The following CDH20 variants were observed in gnomAD, a reference collection of about 807,000 sequenced individuals.
The protein encoded by CDH20 is cadherin-20.
Under a neutral mutation model 74.2 loss-of-function variants are expected in CDH20, and 29 were observed. That is an observed-to-expected ratio of 0.39 (90% CI 0.29 to 0.53). The LOEUF (loss-of-function observed/expected upper bound fraction) is 0.53. Ranked by LOEUF, CDH20 falls within the 20% of genes least tolerant of loss-of-function variation. The pLI, the probability that CDH20 is intolerant of heterozygous loss-of-function variation, is 0.69. For synonymous variants in CDH20, 469 were observed against 405.4 expected (o/e 1.16, Z -1.88); for missense variants, 988 against 1,048.3 (o/e 0.94, Z 0.79).
rs113941749 is a variant in CDH20 at position 61,379,161 on chromosome 18, G to A, written c.-153+45334G>A. ...TAATGACTCAGATATGGTTAACACA[G>A]ATAATCAGCTTAGATAATTACCGCA... On this transcript the variant is annotated intron_variant, in intron 1 of 11. Transcript: ENST00000262717. 2.6e-4 allele frequency among the ~76,000 whole-genome samples: 39 copies of A among 152,252 alleles called. 1 individual carries two copies. Among genetic ancestry groups the A allele is most frequent in the Middle Eastern group, 3.4e-3 (1 of 294 alleles).
intron 1 of CDH20, among the ~76,000 whole-genome samples, chr18:61,347,475 G>A (rs1034533625): frequency 1.2e-4 from 18 of 150,324 alleles, no homozygotes; most frequent in African/African-American, 3.9e-4. Flanking sequence ...AGCCAAGATC[G>A]TGCCACTGTA....
intron 1 of CDH20, among the ~76,000 whole-genome samples, chr18:61,459,884 C>T (rs1414585048): frequency 1.3e-5 from 2 of 152,122 alleles, no homozygotes; most frequent in Non-Finnish European, 2.9e-5. Flanking sequence ...GAGTGAAAGG[C>T]TGTAACTCTT....
rs1913586440 is a variant in CDH20, at chr18:61,555,114, T to C, written c.*419T>C. The stretch of plus-strand genomic sequence containing the variant: ...CGTATCTGTTTTTTATCTTATCTTA[T>C]TCTCCATTTAAGAGTTTTGCTGGCT... On this transcript the variant is annotated 3_prime_UTR_variant, in exon 12 of 12. Coordinates refer to ENST00000262717, the MANE Select transcript of CDH20 (RefSeq NM_031891.4). The C allele has an allele frequency of 1.2e-5, 12 of 1,005,376 alleles. No homozygotes were observed. Among genetic ancestry groups the C allele is most frequent in the Non-Finnish European group, 1.3e-5 (11 of 842,590 alleles). The allele number at this position is 1,005,376 out of a possible 1,614,324, so 62.3% of individuals were successfully genotyped here.
intron 6 of CDH20, among the ~76,000 whole-genome samples, chr18:61,512,576 T>C (rs567625764): frequency 3.3e-5 from 5 of 152,322 alleles, no homozygotes; most frequent in Middle Eastern, 6.8e-3. Flanking sequence ...TCACCAATGT[T>C]AGATTCACTC....
At position 61,488,081 on chromosome 18, in the gene CDH20, C is replaced by CATATATATATATATATATAT. The variant is rs71178973; in HGVS notation, c.-152-2307_-152-2306insATATATATATATATATATAT. ...ATACACTAAATAGAATACGTACATA[C>CATATATATATATATATATAT]ATATATATATATATGTACGTATATA... On this transcript the variant is annotated intron_variant, in intron 1 of 11. Coordinates refer to ENST00000262717, the MANE Select transcript of CDH20 (RefSeq NM_031891.4). Among the ~76,000 whole-genome samples, 28 of 148,892 alleles carry CATATATATATATATATATAT rather than the reference C, an allele frequency of 1.9e-4. 2 individuals are homozygous for CATATATATATATATATATAT. In the East Asian group the frequency reaches 2.4e-3, roughly 13 times the overall value.
At position 61,532,463 on chromosome 18, in the gene CDH20, C is replaced by A. The variant is rs555410130; in HGVS notation, c.1272-4030C>A. Among the ~76,000 whole-genome samples the A allele has an allele frequency of 4.0e-5, 6 of 151,668 alleles. No individual in the cohort carries two copies. In the South Asian group the frequency reaches 1.3e-3, roughly 32 times the overall value. ...TGAATCTCTGCAGAAAAAAAATATA[C>A]ATTGTATTTGATACAATACATTTTA... On this transcript the variant is annotated intron_variant, in intron 7 of 11. Coordinates refer to ENST00000262717, the MANE Select transcript of CDH20 (RefSeq NM_031891.4).
intron 1 of CDH20, among the ~76,000 whole-genome samples, chr18:61,398,596 A>G (rs2144220625): frequency 6.6e-6 from 1 of 152,308 alleles, no homozygotes; most frequent in Admixed American, 6.5e-5. Context: ...AGATATAAAA[A>G]TGGTTCTTAC....
intron 6 of CDH20, 126 bp downstream of exon 6, chr18:61,507,686 AT>A: frequency 5.2e-6 from 3 of 582,206 alleles, no homozygotes; most frequent in South Asian, 4.0e-5. Flanking sequence ...CTTTCCTATT[AT>A]TTAAAAAAAA....
At chr18:61,436,313 T>C (rs1028080932) in intron 1 of CDH20, among the ~76,000 whole-genome samples, 11 of 152,112 alleles carry the variant, frequency 7.2e-5, no homozygotes, top group African/African-American at 2.7e-4. Flanking sequence ...GGTAACTGTA[T>C]GTGTAACCTT....
chr18:61,444,424 T>C (rs1485203003), intron 1 of CDH20, among the ~76,000 whole-genome samples: 1 of 152,250 alleles, frequency 6.6e-6, no homozygotes, highest in Non-Finnish European at 1.5e-5. Flanking sequence ...AAAGGGATGT[T>C]CAATGGCTAT....
intron 1 of CDH20, among the ~76,000 whole-genome samples, chr18:61,357,347 C>T (rs563620396): frequency 7.0e-4 from 107 of 152,268 alleles, no homozygotes; most frequent in African/African-American, 2.5e-3. Context: ...TATTCTAACC[C>T]CTAAACAAGC....
chr18:61,434,608 C>A (rs1290579666), intron 1 of CDH20, among the ~76,000 whole-genome samples: 1 of 152,024 alleles, frequency 6.6e-6, no homozygotes, highest in African/African-American at 2.4e-5. Flanking sequence ...ACCCACTTCT[C>A]CCTGCTGCAA....
chr18:61,530,730 TCAAGG>T (rs1912608839), intron 7 of CDH20, among the ~76,000 whole-genome samples: 1 of 152,208 alleles, frequency 6.6e-6, no homozygotes, highest in Non-Finnish European at 1.5e-5. Context: ...TAATACATGC[TCAAGG>T]ACTTTTTGGC....
intron 1 of CDH20, among the ~76,000 whole-genome samples, chr18:61,363,193 T>TA (rs1440390973): frequency 1.3e-5 from 2 of 152,294 alleles, no homozygotes; most frequent in Non-Finnish European, 1.5e-5. Context: ...GCTTGGATGA[T>TA]AAAAAATAAC....
intron 2 of CDH20, among the ~76,000 whole-genome samples, chr18:61,491,162 CT>C (rs1445281753): frequency 6.6e-6 from 1 of 151,956 alleles, no homozygotes; most frequent in African/African-American, 2.4e-5. Context: ...GAGTTTTTTG[CT>C]TTGTGTTTTT....
chr18:61,485,513 GC>G (rs1366055700), intron 1 of CDH20, among the ~76,000 whole-genome samples: 1 of 152,052 alleles, frequency 6.6e-6, no homozygotes, highest in African/African-American at 2.4e-5. Flanking sequence ...CCACAAAAGA[GC>G]CATGGAGCTT....
chr18:61,473,547 A>AAAAGTTAC (rs11282498), intron 1 of CDH20, among the ~76,000 whole-genome samples: 1 of 151,450 alleles, frequency 6.6e-6, no homozygotes. Flanking sequence ...TAAATTTTGC[A>AAAAGTTAC]ATAACAGCAT....
chr18:61,510,896 C>T (rs1431428465), intron 6 of CDH20, among the ~76,000 whole-genome samples: 1 of 151,990 alleles, frequency 6.6e-6, no homozygotes, highest in Non-Finnish European at 1.5e-5. Flanking sequence ...AACAATAATA[C>T]ATTGCTAACC....
chr18:61,405,175 G>C, intron 1 of CDH20: 1 of 505,528 alleles, frequency 2.0e-6, no homozygotes, highest in Non-Finnish European at 3.7e-6. Context: ...ATCAACTCCA[G>C]CGACTTTTTT....
Sources: allele counts gnomAD v4.1 joint callset (sites outside exome capture counted in the v4.1 genomes callset), GRCh38; gene constraint gnomAD v4.1.1; transcripts MANE v1.5; gene names NCBI Gene and HGNC (gene_info 2026-07-23, HGNC 2026-07-21).